FHOD3: variants seen among roughly 807,000 people sequenced by gnomAD.
FHOD3 encodes FH1/FH2 domain-containing protein 3.
A neutral mutation model predicts 173.0 loss-of-function variants in FHOD3; 90 were observed. The observed-to-expected ratio is 0.52, with a 90% CI of 0.44 to 0.62. The LOEUF (loss-of-function observed/expected upper bound fraction) is 0.62, where lower values mean the gene tolerates loss of function less well. Among genes scored for constraint, FHOD3 ranks in the 20% least tolerant of loss-of-function variants. FHOD3 has a pLI of 0.00. For synonymous variants in FHOD3, 828 were observed against 823.0 expected (o/e 1.01, Z -0.10); for missense variants, 1,945 against 2,034.7 (o/e 0.96, Z 0.85).
At chr18:36,467,996 G>C (rs568323509) in intron 3 of FHOD3, among the ~76,000 whole-genome samples, 67 of 152,340 alleles carry the variant, frequency 4.4e-4, no homozygotes, top group African/African-American at 1.6e-3. Flanking sequence ...CAGACGGTAG[G>C]TCTGTCCGCA....
At chr18:36,403,095 G>C (rs2048902863) in intron 3 of FHOD3, among the ~76,000 whole-genome samples, 1 of 152,188 alleles carries the variant, frequency 6.6e-6, no homozygotes, top group Non-Finnish European at 1.5e-5. Context: ...TCTCGGAGCT[G>C]CTCAGTGAAA....
chr18:36,725,391 T>C (rs951790426), intron 19 of FHOD3, among the ~76,000 whole-genome samples: 8 of 152,182 alleles, frequency 5.3e-5, no homozygotes, highest in African/African-American at 1.9e-4. Context: ...ACTCAGGAAT[T>C]ACCTGTTTAA....
At chr18:36,366,492 G>A (rs1166367905) in intron 2 of FHOD3, among the ~76,000 whole-genome samples, 1 of 152,298 alleles carries the variant, frequency 6.6e-6, no homozygotes, top group East Asian at 1.9e-4. Flanking sequence ...TCAGGAGAAG[G>A]TAGACATTAT....
At chr18:36,722,779 ATGAGC>A (rs2040855503) in intron 19 of FHOD3, among the ~76,000 whole-genome samples, 1 of 152,136 alleles carries the variant, frequency 6.6e-6, no homozygotes, top group Non-Finnish European at 1.5e-5. Flanking sequence ...AACCAAGGTT[ATGAGC>A]CACTGATTTC....
intron 5 of FHOD3, among the ~76,000 whole-genome samples, chr18:36,544,895 C>G (rs1226272015): frequency 6.6e-6 from 1 of 152,168 alleles, no homozygotes; most frequent in Non-Finnish European, 1.5e-5. Flanking sequence ...ATTAGACAAA[C>G]AACCTAACTT....
chr18:36,441,767 C>T (rs554608236), intron 3 of FHOD3, among the ~76,000 whole-genome samples: 2 of 152,318 alleles, frequency 1.3e-5, no homozygotes, highest in East Asian at 1.9e-4. Flanking sequence ...ACATTTTAGA[C>T]GCAGTGCCTG....
intron 27 of FHOD3, among the ~76,000 whole-genome samples, chr18:36,766,546 G>C (rs1271787764): frequency 6.6e-6 from 1 of 152,166 alleles, no homozygotes; most frequent in East Asian, 1.9e-4. Flanking sequence ...TGGGTGCAAG[G>C]GTTCCAGGAA....
At chr18:36,311,571 C>T (rs766925823) in intron 1 of FHOD3, among the ~76,000 whole-genome samples, 4 of 152,200 alleles carry the variant, frequency 2.6e-5, no homozygotes, top group Non-Finnish European at 5.9e-5. Context: ...GCGTGGCCTC[C>T]AGCCCCAGGT....
intron 2 of FHOD3, among the ~76,000 whole-genome samples, chr18:36,364,958 G>A (rs1323528537): frequency 1.3e-5 from 2 of 152,146 alleles, no homozygotes; most frequent in African/African-American, 4.8e-5. Flanking sequence ...TGTGAAGAGA[G>A]CCAGCAGGAT....
chr18:36,472,153 C>T (rs895383014), intron 3 of FHOD3, among the ~76,000 whole-genome samples: 1 of 152,136 alleles, frequency 6.6e-6, no homozygotes, highest in Non-Finnish European at 1.5e-5. Context: ...AGTTACTTGG[C>T]CTACATGATT....
chr18:36,405,029 G>A (rs548122381), intron 3 of FHOD3, among the ~76,000 whole-genome samples: 1 of 152,162 alleles, frequency 6.6e-6, no homozygotes, highest in African/African-American at 2.4e-5. Context: ...GGTGACCAGG[G>A]CTGAGAACCA....
intron 10 of FHOD3, among the ~76,000 whole-genome samples, chr18:36,629,704 A>C (rs1220973454): frequency 1.3e-5 from 2 of 152,180 alleles, no homozygotes; most frequent in African/African-American, 4.8e-5. Flanking sequence ...TTCCCAGGGC[A>C]CAGAGGAAGA....
At chr18:36,304,064 T>G (rs1256279132) in intron 1 of FHOD3, among the ~76,000 whole-genome samples, 1 of 152,050 alleles carries the variant, frequency 6.6e-6, no homozygotes, top group Non-Finnish European at 1.5e-5. Flanking sequence ...TGAAAAGAGA[T>G]TAAAGAGATA....
At chr18:36,480,986 G>A (rs2053853245) in intron 3 of FHOD3, among the ~76,000 whole-genome samples, 1 of 142,650 alleles carries the variant, frequency 7.0e-6, no homozygotes, top group African/African-American at 2.8e-5. Context: ...TTTTTATGCA[G>A]TGCTGTAGGC....
At chr18:36,320,835 A>G (rs1010431595) in intron 1 of FHOD3, among the ~76,000 whole-genome samples, 1 of 152,212 alleles carries the variant, frequency 6.6e-6, no homozygotes, top group Non-Finnish European at 1.5e-5. Flanking sequence ...CCTGCTAAGC[A>G]CTGGATTCTT....
intron 19 of FHOD3, among the ~76,000 whole-genome samples, chr18:36,721,850 T>G (rs2040810169): frequency 6.6e-6 from 1 of 152,096 alleles, no homozygotes; most frequent in South Asian, 2.1e-4. Context: ...GCAACAAAAG[T>G]AGAGTGAAAT....
chr18:36,736,666 C>T (rs765851137), intron 20 of FHOD3, among the ~76,000 whole-genome samples: 1 of 152,194 alleles, frequency 6.6e-6, no homozygotes, highest in Non-Finnish European at 1.5e-5. Flanking sequence ...TGTCCTGCTG[C>T]TTCTCCTCTT....
At chr18:36,681,133 A>G (rs1464210071) in intron 14 of FHOD3, among the ~76,000 whole-genome samples, 6 of 152,286 alleles carry the variant, frequency 3.9e-5, no homozygotes, top group East Asian at 3.9e-4. Context: ...TAGAATGTAT[A>G]TACATTCCTG....
At chr18:36,322,796 T>C (rs979371787) in intron 1 of FHOD3, among the ~76,000 whole-genome samples, 1 of 152,158 alleles carries the variant, frequency 6.6e-6, no homozygotes, top group African/African-American at 2.4e-5. Context: ...TCCCTCTACC[T>C]TCTCCTCCCC....
Sources: allele counts gnomAD v4.1 joint callset (sites outside exome capture counted in the v4.1 genomes callset), GRCh38; gene constraint gnomAD v4.1.1; transcripts MANE v1.5; gene names NCBI Gene and HGNC (gene_info 2026-07-23, HGNC 2026-07-21).